NSMCE2: variants seen among roughly 807,000 people sequenced by gnomAD.
NSMCE2 encodes NSE2 SUMO ligase component of SMC5/6 complex.
In NSMCE2, 24 loss-of-function variants were observed where a neutral mutation model predicts 23.8. The observed-to-expected ratio is 1.01, with a 90% CI of 0.73 to 1.42. NSMCE2 has a LOEUF of 1.42. Among genes scored for constraint, NSMCE2 ranks in the 40% most tolerant of loss-of-function variants. The pLI is 0.00. For missense variants in NSMCE2, 284 were observed against 296.5 expected, an observed-to-expected ratio of 0.96 and a Z score of 0.31; for synonymous variants, 92 against 94.1, an observed-to-expected ratio of 0.98 and a Z score of 0.13.
At chr8:125,295,201 A>G (rs1235572707) in intron 5 of NSMCE2, among the ~76,000 whole-genome samples, 1 of 151,950 alleles carries the variant, frequency 6.6e-6, no homozygotes, top group Non-Finnish European at 1.5e-5. Flanking sequence ...TATGTAGACT[A>G]TTTTCTAAAC....
intron 5 of NSMCE2, among the ~76,000 whole-genome samples, chr8:125,288,056 C>G (rs1827969305): frequency 6.6e-6 from 1 of 152,140 alleles, no homozygotes; most frequent in Non-Finnish European, 1.5e-5. Context: ...GAACTTCTGG[C>G]CTCAAGCGAT....
At chr8:125,240,971 T>G (rs1187657130) in intron 5 of NSMCE2, among the ~76,000 whole-genome samples, 1 of 152,174 alleles carries the variant, frequency 6.6e-6, no homozygotes, top group Non-Finnish European at 1.5e-5. Context: ...GCTTCCATGG[T>G]CACTGGTGGT....
chr8:125,296,107 A>G (rs1828314017), intron 5 of NSMCE2, among the ~76,000 whole-genome samples: 1 of 152,258 alleles, frequency 6.6e-6, no homozygotes, highest in South Asian at 2.1e-4. Context: ...CACGCTAGGC[A>G]TTATAATAGC....
chr8:125,230,439 C>G (rs1287960727), intron 5 of NSMCE2, among the ~76,000 whole-genome samples: 1 of 152,066 alleles, frequency 6.6e-6, no homozygotes, highest in East Asian at 1.9e-4. Context: ...TTTTAAAAAC[C>G]TTCAGCCACC....
At chr8:125,165,610 T>A (rs1821837860) in intron 4 of NSMCE2, among the ~76,000 whole-genome samples, 1 of 152,246 alleles carries the variant, frequency 6.6e-6, no homozygotes. Context: ...CATCACCTAT[T>A]GTTTGGCTTG....
At chr8:125,147,541 C>T (rs1258803568) in intron 3 of NSMCE2, among the ~76,000 whole-genome samples, 2 of 152,102 alleles carry the variant, frequency 1.3e-5, no homozygotes, top group Non-Finnish European at 2.9e-5. Flanking sequence ...AGAAGGAAAT[C>T]CTTCTAGGCT....
At chr8:125,142,688 T>A (rs539542465) in intron 3 of NSMCE2, among the ~76,000 whole-genome samples, 1 of 152,060 alleles carries the variant, frequency 6.6e-6, no homozygotes, top group Admixed American at 6.6e-5. Context: ...CACCACAACC[T>A]CCACCTCCCA....
At chr8:125,317,043 C>G (rs1033509434) in intron 5 of NSMCE2, among the ~76,000 whole-genome samples, 14 of 151,822 alleles carry the variant, frequency 9.2e-5, no homozygotes, top group Admixed American at 3.3e-4. Flanking sequence ...CTGCCTTGGC[C>G]TCCCAAAGTG....
intron 4 of NSMCE2, among the ~76,000 whole-genome samples, chr8:125,181,389 C>T (rs923777774): frequency 2.6e-5 from 4 of 151,830 alleles, no homozygotes; most frequent in African/African-American, 7.3e-5. Flanking sequence ...GAATGGATAG[C>T]GAGATAGATA....
chr8:125,307,812 C>G (rs890190145), intron 5 of NSMCE2, among the ~76,000 whole-genome samples: 1 of 152,154 alleles, frequency 6.6e-6, no homozygotes, highest in Non-Finnish European at 1.5e-5. Flanking sequence ...GAGTTAAAAA[C>G]GATTACTGTG....
chr8:125,237,732 C>T (rs1586654407), intron 5 of NSMCE2, among the ~76,000 whole-genome samples: 1 of 152,144 alleles, frequency 6.6e-6, no homozygotes, highest in Non-Finnish European at 1.5e-5. Flanking sequence ...GTCAGTGAGA[C>T]CGGGTATCAG....
intron 4 of NSMCE2, among the ~76,000 whole-genome samples, chr8:125,166,414 G>A (rs113078312): frequency 0.019 from 2,941 of 152,012 alleles, 86 homozygotes; most frequent in African/African-American, 0.068. Context: ...TTTCAAGTGC[G>A]TACCACCACA....
At chr8:125,105,253 G>A (rs1818402097) in intron 3 of NSMCE2, among the ~76,000 whole-genome samples, 1 of 152,156 alleles carries the variant, frequency 6.6e-6, no homozygotes, top group Admixed American at 6.5e-5. Flanking sequence ...AATCTTTTTA[G>A]TGGGTGGCCT....
At chr8:125,337,616 C>T (rs1051071855) in intron 5 of NSMCE2, among the ~76,000 whole-genome samples, 3 of 152,050 alleles carry the variant, frequency 2.0e-5, no homozygotes, top group Non-Finnish European at 2.9e-5. Flanking sequence ...CAGGTTTGGC[C>T]GGGCGTGGTG....
chr8:125,323,851 G>C (rs975962895), intron 5 of NSMCE2, among the ~76,000 whole-genome samples: 2 of 152,120 alleles, frequency 1.3e-5, no homozygotes, highest in Admixed American at 1.3e-4. Context: ...ATACTCTTAG[G>C]AGAATGAAAG....
chr8:125,315,824 T>C (rs1288340906), intron 5 of NSMCE2, among the ~76,000 whole-genome samples: 2 of 151,536 alleles, frequency 1.3e-5, no homozygotes, highest in Admixed American at 1.3e-4. Flanking sequence ...TTTTTTAAAG[T>C]CAGGGTTTCA....
At chr8:125,234,740 T>C (rs530108198) in intron 5 of NSMCE2, among the ~76,000 whole-genome samples, 1 of 152,352 alleles carries the variant, frequency 6.6e-6, no homozygotes, top group South Asian at 2.1e-4. Context: ...GGCTTTGTTA[T>C]GCCCTTTCAA....
At chr8:125,337,613 G>T (rs1830099838) in intron 5 of NSMCE2, among the ~76,000 whole-genome samples, 1 of 152,152 alleles carries the variant, frequency 6.6e-6, no homozygotes, top group Non-Finnish European at 1.5e-5. Context: ...CAACAGGTTT[G>T]GCCGGGCGTG....
chr8:125,242,924 CTTTT>C (rs201267448), intron 5 of NSMCE2, among the ~76,000 whole-genome samples: 4 of 151,600 alleles, frequency 2.6e-5, no homozygotes, highest in African/African-American at 9.7e-5. Flanking sequence ...GCTGCAGTCA[CTTTT>C]TTTTTCTTTT....
Sources: allele counts gnomAD v4.1 joint callset (sites outside exome capture counted in the v4.1 genomes callset), GRCh38; gene constraint gnomAD v4.1.1; transcripts MANE v1.5; gene names NCBI Gene and HGNC (gene_info 2026-07-23, HGNC 2026-07-21).